ZSCAN30: variants seen among roughly 807,000 people sequenced by gnomAD.
The protein encoded by ZSCAN30 is zinc finger and SCAN domain-containing protein 30.
A neutral mutation model predicts 44.3 loss-of-function variants in ZSCAN30; 37 were observed. The observed-to-expected ratio is 0.84, with a 90% CI of 0.64 to 1.10. The LOEUF is 1.10. ZSCAN30 is among the 50% of genes least tolerant of loss of function. ZSCAN30 has a pLI of 0.00. For missense variants in ZSCAN30, 549 were observed against 582.6 expected (o/e 0.94, Z 0.59); for synonymous variants, 181 against 204.6 (o/e 0.88, Z 0.98).
intron 1 of ZSCAN30, chr18:35,284,266 G>C (rs1473320392): frequency 2.0e-5 from 3 of 152,410 alleles, no homozygotes; most frequent in Admixed American, 6.5e-5. Context: ...TGGTGGCCAT[G>C]GGCAGGTCCA....
intron 1 of ZSCAN30, chr18:35,269,571 G>A (rs2044229896): frequency 6.6e-6 from 1 of 151,870 alleles, no homozygotes; most frequent in Non-Finnish European, 1.5e-5. Flanking sequence ...GTTTCCTTCT[G>A]AGAAACTGCA....
At chr18:35,265,136 C>T (rs1012481937) in intron 1 of ZSCAN30, among the ~76,000 whole-genome samples, 29 of 148,590 alleles carry the variant, frequency 2.0e-4, no homozygotes, top group African/African-American at 6.5e-4. Context: ...ACAGAGACTC[C>T]GCCTCAGAAA....
At chr18:35,268,077 G>A (rs2044200048) in intron 1 of ZSCAN30, 2 of 152,438 alleles carry the variant, frequency 1.3e-5, no homozygotes, top group South Asian at 2.1e-4. Flanking sequence ...GACACAGCAG[G>A]AGGAGGAGCG....
intron 3 of ZSCAN30, chr18:35,257,385 G>A (rs1284746628): frequency 6.5e-6 from 1 of 152,952 alleles, no homozygotes; most frequent in Non-Finnish European, 1.5e-5. Context: ...ATATGTTGAA[G>A]TCCTAACCCC....
chr18:35,270,686 T>G (rs1211944335), intron 1 of ZSCAN30, among the ~76,000 whole-genome samples: 1 of 152,190 alleles, frequency 6.6e-6, no homozygotes, highest in East Asian at 1.9e-4. Flanking sequence ...GCTCAAGCAA[T>G]TCTCCTGTCT....
chr18:35,274,343 A>G (rs1027247834), intron 1 of ZSCAN30, among the ~76,000 whole-genome samples: 3 of 151,850 alleles, frequency 2.0e-5, no homozygotes, highest in African/African-American at 4.8e-5. Flanking sequence ...GGCCGAAGGT[A>G]CTCCTCTTCT....
intron 3 of ZSCAN30, among the ~76,000 whole-genome samples, chr18:35,256,874 A>C (rs2043842251): frequency 2.0e-5 from 3 of 152,168 alleles, no homozygotes; most frequent in African/African-American, 7.2e-5. Context: ...CCTGGACTCA[A>C]GGGATCCTCC....
chr18:35,282,178 A>G (rs1346419218), intron 1 of ZSCAN30: 2 of 152,322 alleles, frequency 1.3e-5, no homozygotes, highest in East Asian at 3.9e-4. Flanking sequence ...CTAACACAAT[A>G]TGTGTTAATA....
At chr18:35,271,739 G>T (rs2044281416) in intron 1 of ZSCAN30, among the ~76,000 whole-genome samples, 1 of 152,238 alleles carries the variant, frequency 6.6e-6, no homozygotes. Context: ...CTGCGTGGGA[G>T]CCCATTGCGG....
At chr18:35,286,837 C>T (rs1314048425) in intron 1 of ZSCAN30, among the ~76,000 whole-genome samples, 1 of 152,090 alleles carries the variant, frequency 6.6e-6, no homozygotes, top group African/African-American at 2.4e-5. Flanking sequence ...CCTCCCTTTG[C>T]CTGCCTTACT....
In ZSCAN30 at chr18:35,253,616, G is replaced by A. The variant is rs749468876; in HGVS notation, c.1319C>T (p.Pro440Leu). The change falls in exon 4 of 4, where the codon CCT (proline) becomes CTT (leucine). Residue 440 changes from proline to leucine, a missense_variant. By Grantham distance (98) the Pro-to-Leu change is moderately conservative (BLOSUM62 -3). Transcript: ENST00000333206. Reference protein sequence around the residue: ...EHQRIHTGEKPYECNECGKSF... With the variant: ...EHQRIHTGEKLYECNECGKSF... ...TTTTCCACATTCATTACATTCATAAGGTTTCTCTCCAGTGTGAATTCTTTG... is the reference window on the plus strand; with the variant it reads ...TTTTCCACATTCATTACATTCATAAAGTTTCTCTCCAGTGTGAATTCTTTG... The A allele has an allele frequency of 1.2e-6, 2 of 1,613,942 alleles. No homozygotes were observed. The highest frequency in any genetic ancestry group is 2.2e-5 in the South Asian group (2 of 91,078).
intron 1 of ZSCAN30, among the ~76,000 whole-genome samples, chr18:35,271,033 GCCT>G (rs1009248727): frequency 3.3e-4 from 50 of 152,328 alleles, no homozygotes; most frequent in Non-Finnish European, 6.8e-4. Context: ...GGTCTTGCTA[GCCT>G]CAGGAGTGAA....
At chr18:35,254,730 C>A in intron 3 of ZSCAN30, 4 of 327,756 alleles carry the variant, frequency 1.2e-5, no homozygotes, top group Non-Finnish European at 2.3e-5. Context: ...ATGAGATAAT[C>A]AGGAAAAAAA....
intron 3 of ZSCAN30, among the ~76,000 whole-genome samples, chr18:35,256,775 G>GTTGT: frequency 6.6e-6 from 1 of 151,904 alleles, no homozygotes; most frequent in South Asian, 2.1e-4. Flanking sequence ...TGTTGTTGTT[G>GTTGT]TTGTTTGTTT....
At chr18:35,285,779 T>C (rs1829480927) in intron 1 of ZSCAN30, among the ~76,000 whole-genome samples, 1 of 151,142 alleles carries the variant, frequency 6.6e-6, no homozygotes, top group Admixed American at 6.6e-5. Context: ...ATCAGAGGCC[T>C]CAACTTCCAC....
At chr18:35,261,258 T>C (rs1184272568) in intron 3 of ZSCAN30, 1 of 152,252 alleles carries the variant, frequency 6.6e-6, no homozygotes, top group Non-Finnish European at 1.5e-5. Context: ...ATAGTAGCCT[T>C]GTAGTACAGA....
intron 3 of ZSCAN30, among the ~76,000 whole-genome samples, chr18:35,256,690 A>G (rs1258192782): frequency 6.6e-6 from 1 of 152,216 alleles, no homozygotes; most frequent in Non-Finnish European, 1.5e-5. Context: ...AGGGTGGGGT[A>G]CAGATTTATA....
Position 35,286,719 on chromosome 18 carries a change from A to C in ZSCAN30, c.-104+3365T>G, listed in dbSNP as rs1215990189. Among the ~76,000 whole-genome samples, 6 of 152,138 alleles carry C rather than the reference A, an allele frequency of 3.9e-5. No homozygotes were observed. The East Asian group carries it at 9.6e-4, about 24-fold the overall frequency. On this transcript the variant is annotated intron_variant, in intron 1 of 3. Transcript: ENST00000333206. ...AAAAAAAAGACAAAGATCTTCACTT[A>C]AGATTGGAAAAAAGACAAAGATTTC...
At chr18:35,277,804 A>G (rs961947250) in intron 1 of ZSCAN30, among the ~76,000 whole-genome samples, 11 of 152,192 alleles carry the variant, frequency 7.2e-5, no homozygotes, top group Non-Finnish European at 5.9e-5. Context: ...GCACCTGATG[A>G]TGCATTTATC....
Sources: allele counts gnomAD v4.1 joint callset (sites outside exome capture counted in the v4.1 genomes callset), GRCh38; gene constraint gnomAD v4.1.1; transcripts MANE v1.5; gene names NCBI Gene and HGNC (gene_info 2026-07-23, HGNC 2026-07-21).